The following SHANK2 variants were observed in gnomAD, a reference collection of about 807,000 sequenced individuals.
The protein encoded by SHANK2 is SH3 and multiple ankyrin repeat domains 2.
A neutral mutation model predicts 133.7 loss-of-function variants in SHANK2; 43 were observed. The ratio of observed to expected loss-of-function variants is 0.32; its 90% CI spans 0.25 to 0.41. SHANK2 has a LOEUF of 0.41. Among genes scored for constraint, SHANK2 ranks in the 10% least tolerant of loss-of-function variants. SHANK2 has a pLI of 1.00. For missense variants in SHANK2, 1,994 were observed against 2,235.8 expected (o/e 0.89, Z 2.18); for synonymous variants, 1,017 against 952.8 (o/e 1.07, Z -1.24).
At chr11:71,196,840 A>G (rs1555116263) in intron 2 of SHANK2, among the ~76,000 whole-genome samples, 1 of 151,816 alleles carries the variant, frequency 6.6e-6, no homozygotes. Context: ...TCTACTAAAG[A>G]TACAAAAGTT....
chr11:70,564,213 T>C (rs536338190), intron 17 of SHANK2, among the ~76,000 whole-genome samples: 1 of 152,068 alleles, frequency 6.6e-6, no homozygotes. Context: ...TACTTCAAAT[T>C]TGGAAAAAGT....
chr11:70,659,628 C>T (rs1173705199), intron 17 of SHANK2, among the ~76,000 whole-genome samples, 200 bp downstream of exon 17: 1 of 152,178 alleles, frequency 6.6e-6, no homozygotes, highest in Non-Finnish European at 1.5e-5. Flanking sequence ...GGGTTACGGC[C>T]AAGGCCTCCA....
chr11:70,788,870 C>T (rs1246496098), intron 14 of SHANK2, among the ~76,000 whole-genome samples: 1 of 152,154 alleles, frequency 6.6e-6, no homozygotes, highest in Non-Finnish European at 1.5e-5. Context: ...GCTCTCAGGT[C>T]GATTTCTGGG....
intron 17 of SHANK2, among the ~76,000 whole-genome samples, chr11:70,610,557 T>G (rs1488731652): frequency 6.6e-6 from 1 of 152,234 alleles, no homozygotes; most frequent in African/African-American, 2.4e-5. Flanking sequence ...CTTCTCTCCC[T>G]GAATCCAAGG....
intron 14 of SHANK2, among the ~76,000 whole-genome samples, chr11:70,717,573 G>A (rs372128725): frequency 3.9e-5 from 6 of 152,272 alleles, no homozygotes; most frequent in East Asian, 1.9e-4. Context: ...CTCACCAAGC[G>A]CCGGCAGGAC....
chr11:70,699,406 AAC>A (rs1363795649), intron 14 of SHANK2, among the ~76,000 whole-genome samples: 1 of 152,096 alleles, frequency 6.6e-6, no homozygotes, highest in Non-Finnish European at 1.5e-5. Flanking sequence ...GGAGAAAAAA[AAC>A]ACACACACAA....
intron 17 of SHANK2, among the ~76,000 whole-genome samples, chr11:70,544,645 G>A (rs1219451482): frequency 1.3e-5 from 2 of 152,224 alleles, no homozygotes; most frequent in African/African-American, 2.4e-5. Context: ...ACCAGCAGAT[G>A]GACTTGGGAC....
intron 15 of SHANK2, among the ~76,000 whole-genome samples, chr11:70,694,023 T>A (rs1945342380): frequency 6.6e-6 from 1 of 152,180 alleles, no homozygotes; most frequent in Non-Finnish European, 1.5e-5. Flanking sequence ...CAGCCTAAAG[T>A]GAGACCCTGA....
At chr11:71,078,049 G>A (rs879208775) in intron 8 of SHANK2, among the ~76,000 whole-genome samples, 18,298 of 152,042 alleles carry the variant, frequency 0.12, 1,255 homozygotes, top group Non-Finnish European at 0.15. Context: ...CTGCACCTTG[G>A]CTTCTAAATA....
chr11:70,478,281 A>G (rs1555150630), intron 25 of SHANK2, among the ~76,000 whole-genome samples: 1 of 152,050 alleles, frequency 6.6e-6, no homozygotes, highest in Non-Finnish European at 1.5e-5. Context: ...AGCTAGAGTA[A>G]TCTGCTCTTT....
At chr11:70,943,880 C>A in intron 10 of SHANK2, 1 of 456,282 alleles carries the variant, frequency 2.2e-6, no homozygotes, top group Non-Finnish European at 4.4e-6. Context: ...GTGCTTGCTG[C>A]CTATTTGTAA....
At chr11:71,234,755 A>G (rs1164748641) in intron 1 of SHANK2, among the ~76,000 whole-genome samples, 1 of 152,018 alleles carries the variant, frequency 6.6e-6, no homozygotes, top group Non-Finnish European at 1.5e-5. Flanking sequence ...GGGATGAGTG[A>G]CCACACTCAT....
At chr11:70,606,997 G>A (rs1197286641) in intron 17 of SHANK2, among the ~76,000 whole-genome samples, 2 of 152,144 alleles carry the variant, frequency 1.3e-5, no homozygotes, top group African/African-American at 2.4e-5. Flanking sequence ...GTGCCTGGAG[G>A]GGCAGGCCAG....
chr11:71,139,436 G>A (rs1555105387), intron 3 of SHANK2, among the ~76,000 whole-genome samples: 2 of 152,004 alleles, frequency 1.3e-5, no homozygotes, highest in Non-Finnish European at 2.9e-5. Flanking sequence ...ACAGCAACAT[G>A]GCACATGTAT....
At chr11:71,076,029 G>A (rs1349353758) in intron 8 of SHANK2, among the ~76,000 whole-genome samples, 7 of 152,196 alleles carry the variant, frequency 4.6e-5, no homozygotes, top group Non-Finnish European at 8.8e-5. Context: ...TGAGAATCAC[G>A]TGGGACAAAG....
chr11:70,819,595 G>GA (rs1414062753), intron 12 of SHANK2, among the ~76,000 whole-genome samples: 1 of 152,206 alleles, frequency 6.6e-6, no homozygotes, highest in African/African-American at 2.4e-5. Context: ...GAGAGACCCA[G>GA]ACCTGGAGTT....
intron 14 of SHANK2, among the ~76,000 whole-genome samples, chr11:70,783,554 G>T (rs571424338): frequency 6.6e-6 from 1 of 152,248 alleles, no homozygotes; most frequent in African/African-American, 2.4e-5. Context: ...TCACGAGTGG[G>T]CAGAGTCCCA....
At chr11:70,654,918 C>A (rs989667257) in intron 17 of SHANK2, among the ~76,000 whole-genome samples, 4 of 152,068 alleles carry the variant, frequency 2.6e-5, no homozygotes, top group Non-Finnish European at 5.9e-5. Flanking sequence ...CAGACACGCA[C>A]CACCACGCCC....
At chr11:70,714,593 G>T (rs1945868757) in intron 14 of SHANK2, among the ~76,000 whole-genome samples, 1 of 152,146 alleles carries the variant, frequency 6.6e-6, no homozygotes, top group East Asian at 1.9e-4. Flanking sequence ...TGCACACAGA[G>T]ACTCCACGAG....
Sources: gnomAD v4.1 joint callset for allele counts (sites outside exome capture counted in the v4.1 genomes callset) on GRCh38, gnomAD v4.1.1 for gene constraint, MANE v1.5 for transcripts, NCBI Gene and HGNC (gene_info 2026-07-23, HGNC 2026-07-21) for gene names.